MTHFS: variants seen among roughly 807,000 people sequenced by gnomAD.
MTHFS encodes the protein 5-formyltetrahydrofolate cyclo-ligase.
In MTHFS, 7 loss-of-function variants were observed where a neutral mutation model predicts 12.7. That is an observed-to-expected ratio of 0.55 (90% CI 0.31 to 1.03). The LOEUF is 1.03. MTHFS is among the 50% of genes least tolerant of loss of function. The probability of loss-of-function intolerance (pLI) is 0.05; values close to 1 mark genes in which losing one functional copy is unlikely to be tolerated. For synonymous variants in MTHFS, 100 were observed against 97.1 expected (o/e 1.03, Z -0.18); for missense variants, 252 against 258.1 (o/e 0.98, Z 0.16).
rs1430577931 is a variant in MTHFS, at chr15:79,888,526, A to C, written c.379+567T>G. Among the ~76,000 whole-genome samples the C allele has an allele frequency of 1.6e-4, 25 of 152,252 alleles. 1 individual carries two copies. The highest frequency in any genetic ancestry group is 1.3e-3 in the Admixed American group (20 of 15,288). ...AAAAGGCCTTTCCAGGAATGCAGGC[A>C]AGAGGAGATGTCAGCTTAGACTGCA... On this transcript the variant is annotated intron_variant, in intron 2 of 2. Transcript: ENST00000258874.
intron 2 of MTHFS, among the ~76,000 whole-genome samples, chr15:79,881,341 T>C (rs1452014434): frequency 1.3e-5 from 2 of 152,230 alleles, no homozygotes; most frequent in Non-Finnish European, 2.9e-5. Flanking sequence ...TAACAGGGCA[T>C]AACCCCTAAG....
chr15:79,888,307 T>C (rs560111146), intron 2 of MTHFS, among the ~76,000 whole-genome samples: 5 of 152,174 alleles, frequency 3.3e-5, no homozygotes, highest in Non-Finnish European at 5.9e-5. Context: ...AATAGAAAGA[T>C]AGCAGGGCCA....
chr15:79,856,997 CTTTTTTTTT>C (rs558340769), intron 2 of MTHFS, among the ~76,000 whole-genome samples: 1 of 131,182 alleles, frequency 7.6e-6, no homozygotes, highest in Non-Finnish European at 1.7e-5. Flanking sequence ...CGCAAAGTCA[CTTTTTTTTT>C]TTTTTTGAGA....
At chr15:79,885,395 T>C (rs973499811) in intron 2 of MTHFS, among the ~76,000 whole-genome samples, 3 of 152,220 alleles carry the variant, frequency 2.0e-5, no homozygotes, top group East Asian at 3.8e-4. Flanking sequence ...GAGCCTATTA[T>C]ATTCTGCAGA....
At chr15:79,851,767 G>A (rs150860346) in intron 2 of MTHFS, among the ~76,000 whole-genome samples, 65 of 152,298 alleles carry the variant, frequency 4.3e-4, no homozygotes, top group Non-Finnish European at 6.3e-4. Flanking sequence ...TGCTGTTCCA[G>A]ATGGATAATA....
intron 2 of MTHFS, among the ~76,000 whole-genome samples, chr15:79,859,831 A>AT (rs1254142866): frequency 1.3e-5 from 2 of 151,800 alleles, no homozygotes; most frequent in Non-Finnish European, 2.9e-5. Flanking sequence ...AAAAAAAAAA[A>AT]AAAAAAACCC....
At position 79,854,194 on chromosome 15, in the gene MTHFS, C is replaced by T. The variant is rs115540936; in HGVS notation, c.380-8752G>A. Reference sequence around the variant, plus strand: ...GTCAGGTCAGGGCCATGGTGAGGGACAGAAGGCACACTCAAACTAGGGAAA... The same window carrying T: ...GTCAGGTCAGGGCCATGGTGAGGGATAGAAGGCACACTCAAACTAGGGAAA... On this transcript the variant is annotated intron_variant, in intron 2 of 2. Transcript: ENST00000258874. Among the ~76,000 whole-genome samples the T allele has an allele frequency of 4.3e-3, 661 of 152,278 alleles. 7 individuals are homozygous for T. The highest frequency in any genetic ancestry group is 0.015 in the African/African-American group (635 of 41,542).
At chr15:79,890,294 T>C (rs1427516073) in intron 1 of MTHFS, among the ~76,000 whole-genome samples, 1 of 141,804 alleles carries the variant, frequency 7.1e-6, no homozygotes, top group Non-Finnish European at 1.5e-5. Context: ...CTGCAACCAC[T>C]GCCTCAATCT....
At chr15:79,893,194 GGA>G (rs780590997) in intron 1 of MTHFS, among the ~76,000 whole-genome samples, 24 of 151,816 alleles carry the variant, frequency 1.6e-4, no homozygotes, top group Non-Finnish European at 3.2e-4. Flanking sequence ...CATGAGGTCA[GGA>G]GTTCAACATC....
At chr15:79,895,648 TTC>T (rs796983641) in intron 1 of MTHFS, among the ~76,000 whole-genome samples, 39 of 152,350 alleles carry the variant, frequency 2.6e-4, no homozygotes, top group African/African-American at 8.4e-4. Flanking sequence ...GCTAAAATAA[TTC>T]TGTTTGAACG....
At chr15:79,853,681 T>C (rs1252076701) in intron 2 of MTHFS, among the ~76,000 whole-genome samples, 9 of 152,188 alleles carry the variant, frequency 5.9e-5, no homozygotes, top group Non-Finnish European at 1.2e-4. Context: ...GGCCTAGCTC[T>C]CTACTGCCAC....
At chr15:79,887,860 G>C (rs1190204800) in intron 2 of MTHFS, among the ~76,000 whole-genome samples, 1 of 152,112 alleles carries the variant, frequency 6.6e-6, no homozygotes, top group Non-Finnish European at 1.5e-5. Flanking sequence ...ATCTAGCAAA[G>C]CCCAAGATTG....
At position 79,845,068 on chromosome 15, in the gene MTHFS, G is replaced by T; in HGVS notation, c.*142C>A. ...GTTTTTAAAGATGGTTTTATATAAG[G>T]TATTTCATAATTACAATTTTAAAAT... is the stretch of plus-strand genomic sequence containing the variant. On this transcript the variant is annotated 3_prime_UTR_variant, in exon 3 of 3. Coordinates refer to ENST00000258874, the MANE Select transcript of MTHFS (RefSeq NM_006441.4). The T allele has an allele frequency of 5.5e-6, 6 of 1,081,166 alleles. No homozygotes were observed. In the South Asian group the frequency reaches 1.0e-4, roughly 18 times the overall value. 67.0% of individuals were successfully genotyped at this position (1,081,166 alleles called of 1,614,324 possible). A position where few individuals can be genotyped will look rare whatever the true frequency, so the allele number is the denominator to read the frequency against.
At chr15:79,877,029 G>A (rs976974795) in intron 2 of MTHFS, 1 of 151,714 alleles carries the variant, frequency 6.6e-6, no homozygotes, top group African/African-American at 2.4e-5. Context: ...GGCGACAACA[G>A]TGAAACTCCT....
intron 2 of MTHFS, among the ~76,000 whole-genome samples, chr15:79,873,774 C>T (rs150524316): frequency 2.8e-4 from 43 of 152,302 alleles, no homozygotes; most frequent in Admixed American, 5.2e-4. Flanking sequence ...GCAGACTTAA[C>T]TTGTGGTAGG....
chr15:79,889,728 T>C (rs1392354489), intron 1 of MTHFS, among the ~76,000 whole-genome samples: 1 of 152,200 alleles, frequency 6.6e-6, no homozygotes, highest in Non-Finnish European at 1.5e-5. Context: ...TGCTTTATTT[T>C]ACCTCTGTAT....
rs117863716 is a variant in MTHFS at position 79,846,727 on chromosome 15, C to T, written c.380-1285G>A. ...GGTCACTGACCTCTGTCTTTCCTCC[C>T]TGTTCCTGTCCAGCTCATTTGTCCC... On this transcript the variant is annotated intron_variant, in intron 2 of 2. Transcript: ENST00000258874. 7.2e-5 allele frequency among the ~76,000 whole-genome samples: 11 copies of T among 152,356 alleles called. 1 individual carries two copies. The East Asian group carries it at 1.2e-3, about 16-fold the overall frequency.
intron 2 of MTHFS, among the ~76,000 whole-genome samples, chr15:79,873,074 G>C (rs954960657): frequency 2.0e-5 from 3 of 152,170 alleles, no homozygotes; most frequent in African/African-American, 7.2e-5. Flanking sequence ...AACAGCAAAA[G>C]AGGAAGCTCA....
At chr15:79,849,572 G>T (rs535725829) in intron 2 of MTHFS, among the ~76,000 whole-genome samples, 11 of 152,316 alleles carry the variant, frequency 7.2e-5, no homozygotes, top group African/African-American at 2.6e-4. Context: ...CACAAGGTCA[G>T]AATTCAATAG....
Sources: gnomAD v4.1 joint callset for allele counts (sites outside exome capture counted in the v4.1 genomes callset) on GRCh38, gnomAD v4.1.1 for gene constraint, MANE v1.5 for transcripts, NCBI Gene and HGNC (gene_info 2026-07-23, HGNC 2026-07-21) for gene names.